KSR2: variants seen among roughly 807,000 people sequenced by gnomAD.
The protein encoded by KSR2 is kinase suppressor of ras 2.
Under a neutral mutation model 107.8 loss-of-function variants are expected in KSR2, and 25 were observed. The ratio of observed to expected loss-of-function variants is 0.23; its 90% CI spans 0.17 to 0.32. The LOEUF (loss-of-function observed/expected upper bound fraction) is 0.32, where lower values mean the gene tolerates loss of function less well. KSR2 is among the 10% of genes least tolerant of loss of function. KSR2 has a pLI of 1.00. For missense variants in KSR2, 887 were observed against 1,268.9 expected (o/e 0.70, Z 4.57); for synonymous variants, 480 against 507.0 (o/e 0.95, Z 0.71).
chr12:117,608,421 T>A (rs1467349177), intron 5 of KSR2, among the ~76,000 whole-genome samples: 1 of 152,204 alleles, frequency 6.6e-6, no homozygotes, highest in Non-Finnish European at 1.5e-5. Context: ...GGCATCACTA[T>A]TATAATTTTT....
At chr12:117,950,025 G>A (rs922130524) in intron 1 of KSR2, among the ~76,000 whole-genome samples, 1 of 151,568 alleles carries the variant, frequency 6.6e-6, no homozygotes, top group African/African-American at 2.4e-5. Flanking sequence ...CCAGGCTGGA[G>A]TGCAATGGGG....
intron 3 of KSR2, among the ~76,000 whole-genome samples, chr12:117,828,276 C>T (rs1412627316): frequency 6.6e-6 from 1 of 152,192 alleles, no homozygotes; most frequent in African/African-American, 2.4e-5. Context: ...TTCATAATCA[C>T]TTGTTTCAAC....
intron 2 of KSR2, among the ~76,000 whole-genome samples, chr12:117,860,052 ACT>A: frequency 6.6e-6 from 1 of 152,232 alleles, no homozygotes; most frequent in Non-Finnish European, 1.5e-5. Flanking sequence ...GGCCAAGGTG[ACT>A]CTGTGAATAT....
At chr12:117,606,253 T>C (rs1017231989) in intron 5 of KSR2, among the ~76,000 whole-genome samples, 1 of 152,004 alleles carries the variant, frequency 6.6e-6, no homozygotes, top group Non-Finnish European at 1.5e-5. Context: ...AAATTGCTTA[T>C]CTTTCCTCCC....
At chr12:117,491,304 T>C (rs903292502) in intron 14 of KSR2, among the ~76,000 whole-genome samples, 2 of 152,126 alleles carry the variant, frequency 1.3e-5, no homozygotes, top group Admixed American at 6.5e-5. Context: ...CTCAGCCTCC[T>C]GAGTAGCTGG....
intron 4 of KSR2, among the ~76,000 whole-genome samples, chr12:117,693,788 C>CAAA (rs1885931029): frequency 6.6e-6 from 1 of 152,172 alleles, no homozygotes; most frequent in East Asian, 1.9e-4. Context: ...GTCATCCCCA[C>CAAA]TGACAGATGG....
intron 16 of KSR2, 56 bp from the exon 17 acceptor site, chr12:117,476,651 C>T: frequency 1.3e-6 from 2 of 1,535,298 alleles, no homozygotes; most frequent in African/African-American, 1.4e-5. Context: ...TGGACCAGTC[C>T]CCCTGGCACT....
At chr12:117,763,815 T>C (rs1380786737) in intron 3 of KSR2, among the ~76,000 whole-genome samples, 1 of 151,594 alleles carries the variant, frequency 6.6e-6, no homozygotes, top group Non-Finnish European at 1.5e-5. Context: ...TCTCAGGGAG[T>C]TGCAAGAGAT....
intron 4 of KSR2, among the ~76,000 whole-genome samples, chr12:117,703,255 G>T (rs1246483542): frequency 3.9e-5 from 6 of 152,176 alleles, no homozygotes; most frequent in Admixed American, 2.6e-4. Context: ...CATAGAAGAG[G>T]AATTGATTTG....
intron 14 of KSR2, among the ~76,000 whole-genome samples, chr12:117,502,256 C>CA (rs146352912): frequency 0.017 from 2,563 of 152,316 alleles, 40 homozygotes; most frequent in Non-Finnish European, 0.027. Context: ...TATGTGGACT[C>CA]ACGTGTGTAG....
intron 5 of KSR2, among the ~76,000 whole-genome samples, chr12:117,626,442 C>G (rs752923988): frequency 6.6e-6 from 1 of 152,192 alleles, no homozygotes; most frequent in Non-Finnish European, 1.5e-5. Flanking sequence ...ATCTTTATTT[C>G]TGCCTTCATT....
chr12:117,774,117 C>T (rs1362992026), intron 3 of KSR2, among the ~76,000 whole-genome samples: 2 of 152,074 alleles, frequency 1.3e-5, no homozygotes, highest in Admixed American at 1.3e-4. Flanking sequence ...ATGAGAGACC[C>T]GTCCAGAAAG....
intron 5 of KSR2, among the ~76,000 whole-genome samples, chr12:117,594,788 T>G (rs1022727618): frequency 1.3e-5 from 2 of 152,232 alleles, no homozygotes; most frequent in African/African-American, 4.8e-5. Flanking sequence ...TCGTGAGCCC[T>G]GTTGATCCCT....
intron 3 of KSR2, among the ~76,000 whole-genome samples, chr12:117,828,367 C>T (rs780836349): frequency 2.6e-5 from 4 of 152,204 alleles, no homozygotes; most frequent in African/African-American, 4.8e-5. Context: ...CACGGCAGCA[C>T]GTAAAAGCCC....
chr12:117,865,962 C>T (rs75542278), intron 1 of KSR2, among the ~76,000 whole-genome samples: 5,300 of 152,076 alleles, frequency 0.035, 487 homozygotes, highest in East Asian at 0.31. Context: ...CTGACTATAT[C>T]AAGGAGATAG....
chr12:117,487,031 C>G (rs1001762695), intron 14 of KSR2, among the ~76,000 whole-genome samples: 1 of 151,992 alleles, frequency 6.6e-6, no homozygotes, highest in African/African-American at 2.4e-5. Context: ...GTTTTATTAT[C>G]TGCAAAATGG....
intron 14 of KSR2, among the ~76,000 whole-genome samples, chr12:117,486,346 AT>A (rs1872461866): frequency 6.6e-6 from 1 of 152,180 alleles, no homozygotes; most frequent in African/African-American, 2.4e-5. Context: ...ACACCTTCTC[AT>A]TTAGTTGCCT....
At position 117,476,591 on chromosome 12, in the gene KSR2, C is replaced by T; in HGVS notation, c.2455G>A (p.Glu819Lys). 6.2e-7 allele frequency: 1 copy of T among 1,610,174 alleles called. No individual in the cohort carries two copies. The highest frequency in any genetic ancestry group is 2.2e-5 in the East Asian group (1 of 44,808). ...CCATTCTGGATGCGCAGTTTGTCCT[C>T]CCGCCTGGAGAAGCAAAGCACAGGA... ...ISGVLQAGRR[E>K]DKLRIQNGWL... The change falls in exon 17 of 20, where the codon GAG (glutamate) becomes AAG (lysine). Residue 819 changes from glutamate (E) to lysine (K), a missense_variant. Coordinates refer to ENST00000339824, the MANE Select transcript of KSR2 (RefSeq NM_173598.6).
At chr12:117,558,837 G>C (rs1271029029) in intron 7 of KSR2, among the ~76,000 whole-genome samples, 1 of 151,780 alleles carries the variant, frequency 6.6e-6, no homozygotes, top group Non-Finnish European at 1.5e-5. Context: ...TAGATTGATA[G>C]GTGGCTGGAC....
Sources: gnomAD v4.1 joint callset for allele counts (sites outside exome capture counted in the v4.1 genomes callset) on GRCh38, gnomAD v4.1.1 for gene constraint, MANE v1.5 for transcripts, NCBI Gene and HGNC (gene_info 2026-07-23, HGNC 2026-07-21) for gene names.